ANKS6: variants seen among roughly 807,000 people sequenced by gnomAD.
The protein encoded by ANKS6 is ankyrin repeat and sterile alpha motif domain containing 6.
In ANKS6, 47 loss-of-function variants were observed where a neutral mutation model predicts 77.9. That is an observed-to-expected ratio of 0.60 (90% CI 0.48 to 0.77). The LOEUF is 0.77. Among genes scored for constraint, ANKS6 ranks in the 30% least tolerant of loss-of-function variants. ANKS6 has a pLI of 0.00. For synonymous variants in ANKS6, 488 were observed against 501.7 expected (o/e 0.97, Z 0.37); for missense variants, 1,150 against 1,159.1 (o/e 0.99, Z 0.11).
rs533611775 is a variant in ANKS6, at chr9:98,794,412, C to T, written c.359+1721G>A. On this transcript the variant is annotated intron_variant, in intron 1 of 14. Transcript: ENST00000353234. Reference sequence around the variant, plus strand: ...GTCAGCACACAGGCCATTCATTTGCCTACCCCGATGTGAGGGACAGACACA... The same window carrying T: ...GTCAGCACACAGGCCATTCATTTGCTTACCCCGATGTGAGGGACAGACACA... Among the ~76,000 whole-genome samples the T allele has an allele frequency of 3.3e-5, 5 of 152,288 alleles. No individual in the cohort carries two copies. In the South Asian group the frequency reaches 1.0e-3, roughly 32 times the overall value.
intron 13 of ANKS6, among the ~76,000 whole-genome samples, chr9:98,747,029 A>G (rs898100626): frequency 2.0e-5 from 3 of 152,018 alleles, no homozygotes; most frequent in African/African-American, 7.3e-5. Flanking sequence ...GCCTTACCTC[A>G]GTTTCCCCAC....
At chr9:98,784,458 C>T in intron 3 of ANKS6, 1 of 401,676 alleles carries the variant, frequency 2.5e-6, no homozygotes, top group African/African-American at 2.0e-5. Flanking sequence ...GTTCAGGTCT[C>T]GCTGCGGGGT....
chr9:98,754,870 G>A (rs902899436), intron 12 of ANKS6, among the ~76,000 whole-genome samples: 6 of 152,176 alleles, frequency 3.9e-5, no homozygotes, highest in Non-Finnish European at 8.8e-5. Context: ...GAGGGAAAGA[G>A]AGTGGGTACA....
chr9:98,793,036 G>A (rs1325402171), intron 1 of ANKS6, among the ~76,000 whole-genome samples: 1 of 152,226 alleles, frequency 6.6e-6, no homozygotes, highest in Non-Finnish European at 1.5e-5. Context: ...CTGAACAGGT[G>A]CTGTGATTAC....
At position 98,768,070 on chromosome 9, in the gene ANKS6, A is replaced by G. The variant is rs1244970692; in HGVS notation, c.2142+11T>C. 4 of 1,599,794 alleles carry G rather than the reference A, an allele frequency of 2.5e-6. No individual in the cohort carries two copies. Among genetic ancestry groups the G allele is most frequent in the Non-Finnish European group, 2.6e-6 (3 of 1,173,634 alleles). On this transcript the variant is annotated intron_variant, in intron 11 of 14. Coordinates refer to ENST00000353234, the MANE Select transcript of ANKS6 (RefSeq NM_173551.5). ...TGAGTGTAACAGGAGGAGGCCACACAAAACAAGCACCTTGCCAACAGGAGC... is the reference window on the plus strand; with the variant it reads ...TGAGTGTAACAGGAGGAGGCCACACGAAACAAGCACCTTGCCAACAGGAGC...
chr9:98,737,026 T>C (rs1831537424), intron 14 of ANKS6, among the ~76,000 whole-genome samples: 1 of 152,200 alleles, frequency 6.6e-6, no homozygotes, highest in African/African-American at 2.4e-5. Context: ...TGCTACAGGA[T>C]AAGAGTTTAA....
intron 12 of ANKS6, among the ~76,000 whole-genome samples, chr9:98,754,384 G>A (rs958127783): frequency 2.6e-5 from 4 of 152,198 alleles, no homozygotes; most frequent in African/African-American, 9.6e-5. Flanking sequence ...GCTCACACCT[G>A]TAATCCAAGC....
chr9:98,763,265 A>G (rs1308633051), intron 11 of ANKS6, among the ~76,000 whole-genome samples: 1 of 152,216 alleles, frequency 6.6e-6, no homozygotes, highest in East Asian at 1.9e-4. Context: ...ATAGACCTCA[A>G]AACATTTAAA....
At chr9:98,751,535 G>T (rs1402754060) in intron 12 of ANKS6, among the ~76,000 whole-genome samples, 2 of 152,220 alleles carry the variant, frequency 1.3e-5, no homozygotes, top group African/African-American at 4.8e-5. Context: ...AAGATGGTGG[G>T]CTTCAGACCA....
Position 98,736,369 on chromosome 9 carries a change from T to C in ANKS6, c.*150A>G, listed in dbSNP as rs1033022427. The stretch of plus-strand genomic sequence containing the variant: ...TTGTTGCAGCAAGAAGTACTACCAA[T>C]GAATGCCGTCGACGTGAAGTGGGCA... On this transcript the variant is annotated 3_prime_UTR_variant, in exon 15 of 15. Transcript: ENST00000353234. 1.5e-5 allele frequency: 22 copies of C among 1,429,896 alleles called. No homozygotes were observed. Among genetic ancestry groups the C allele is most frequent in the Non-Finnish European group, 1.8e-5 (20 of 1,095,294 alleles). 88.6% of individuals were successfully genotyped at this position (1,429,896 alleles called of 1,614,324 possible). A position where few individuals can be genotyped will look rare whatever the true frequency, so the allele number is the denominator to read the frequency against.
intron 13 of ANKS6, among the ~76,000 whole-genome samples, chr9:98,747,633 C>G (rs929028695): frequency 1.3e-5 from 2 of 152,148 alleles, no homozygotes; most frequent in Non-Finnish European, 2.9e-5. Context: ...CCATCCCAAC[C>G]CCTAGCAGGG....
chr9:98,756,025 A>G (rs1265339233), intron 12 of ANKS6, among the ~76,000 whole-genome samples: 1 of 152,154 alleles, frequency 6.6e-6, no homozygotes, highest in Non-Finnish European at 1.5e-5. Context: ...AGACACTCCC[A>G]TCATATGAGC....
Position 98,796,122 on chromosome 9 carries a change from C to G in ANKS6, c.359+11G>C. 1 of 1,343,996 alleles carries G rather than the reference C, an allele frequency of 7.4e-7. No individual in the cohort carries two copies. Among genetic ancestry groups the G allele is most frequent in the Non-Finnish European group, 9.5e-7 (1 of 1,049,070 alleles). 83.3% of individuals were successfully genotyped at this position (1,343,996 alleles called of 1,614,324 possible). On this transcript the variant is annotated intron_variant, in intron 1 of 14. Coordinates refer to ENST00000353234, the MANE Select transcript of ANKS6 (RefSeq NM_173551.5). ...ACTCTGGTCCCGGGCCCCCGGGCCCCGCCGCCTCACCTGGCCGCCTGCATG... is the reference window on the plus strand; with the variant it reads ...ACTCTGGTCCCGGGCCCCCGGGCCCGGCCGCCTCACCTGGCCGCCTGCATG...
Position 98,756,476 on chromosome 9 carries a change from G to C in ANKS6, c.2270C>G (p.Ser757Cys), listed in dbSNP as rs373408528. The change falls in exon 12 of 15, where the codon TCC becomes TGC. Residue 757 changes from serine (S) to cysteine (C), a missense_variant. By Grantham distance (112) the Ser-to-Cys change is moderately radical. Coordinates refer to ENST00000353234, the MANE Select transcript of ANKS6 (RefSeq NM_173551.5). The stretch of plus-strand genomic sequence containing the variant: ...CCCACTGCTCTTGGACTGCCGATGG[G>C]ATGACGAGGAAGACACTGAGGACTC... ...TAESSVSSSS[S>C]HRQSKSSGGS... The C allele has an allele frequency of 2.9e-5, 46 of 1,613,614 alleles. No individual in the cohort carries two copies. The highest frequency in any genetic ancestry group is 1.0e-4 in the Admixed American group (6 of 59,978).
chr9:98,782,260 C>T (rs1445446945), intron 5 of ANKS6, among the ~76,000 whole-genome samples: 4 of 152,098 alleles, frequency 2.6e-5, no homozygotes, highest in Admixed American at 6.5e-5. Context: ...AGGAAGTCCC[C>T]GGGGCCACCT....
At chr9:98,754,023 C>T (rs761217685) in intron 12 of ANKS6, among the ~76,000 whole-genome samples, 4 of 152,108 alleles carry the variant, frequency 2.6e-5, no homozygotes, top group Non-Finnish European at 4.4e-5. Context: ...CTGGAGTGCC[C>T]GCTCACCAGG....
Position 98,773,096 on chromosome 9 carries a change from T to C in ANKS6, c.1821+781A>G, listed in dbSNP as rs183903451. ...ATGGGTTCTACAACTCCCCCGTTCC[T>C]ACCTGATCGAGAATAGTGGACTAAA... On this transcript the variant is annotated intron_variant, in intron 9 of 14. Coordinates refer to ENST00000353234, the MANE Select transcript of ANKS6 (RefSeq NM_173551.5). Among the ~76,000 whole-genome samples the C allele has an allele frequency of 5.3e-5, 8 of 152,334 alleles. 1 individual carries two copies. In the East Asian group the frequency reaches 1.4e-3, roughly 26 times the overall value.
chr9:98,735,725 A>G lies in ANKS6; in HGVS notation c.*794T>C. On this transcript the variant is annotated 3_prime_UTR_variant, in exon 15 of 15. Transcript: ENST00000353234. ...AGGAAACTGAAAGCTAGGAAGAAGA[A>G]GGGATCCACACAGCAGGCCTCCACT... 8.1e-7 allele frequency: 1 copy of G among 1,231,660 alleles called. No homozygotes were observed. Among genetic ancestry groups the G allele is most frequent in the South Asian group, 4.1e-5 (1 of 24,314 alleles). The allele number at this position is 1,231,660 out of a possible 1,614,324, so 76.3% of individuals were successfully genotyped here. A position where few individuals can be genotyped will look rare whatever the true frequency, so the allele number is the denominator to read the frequency against.
chr9:98,782,327 A>G lies in ANKS6; in HGVS notation c.1219+140T>C, dbSNP rs1588404586. On this transcript the variant is annotated intron_variant, in intron 5 of 14. Transcript: ENST00000353234. ...AGGAACTTGCCTAAGATCATGCAGT[A>G]AGCTCCTGACACTTGAGAGTGACTT... 37 of 758,002 alleles carry G rather than the reference A, an allele frequency of 4.9e-5. 2 individuals are homozygous for G. The South Asian group carries it at 6.9e-4, about 14-fold the overall frequency. 47.0% of individuals were successfully genotyped at this position (758,002 alleles called of 1,614,324 possible).
Sources: gnomAD v4.1 joint callset for allele counts (sites outside exome capture counted in the v4.1 genomes callset) on GRCh38, gnomAD v4.1.1 for gene constraint, MANE v1.5 for transcripts, NCBI Gene and HGNC (gene_info 2026-07-23, HGNC 2026-07-21) for gene names.